TENM3: variants seen among roughly 807,000 people sequenced by gnomAD.
TENM3 encodes teneurin-3.
Under a neutral mutation model 255.1 loss-of-function variants are expected in TENM3, and 63 were observed. The ratio of observed to expected loss-of-function variants is 0.25; its 90% CI spans 0.20 to 0.30. The LOEUF (loss-of-function observed/expected upper bound fraction) is 0.30, where lower values mean the gene tolerates loss of function less well. TENM3 is among the 10% of genes least tolerant of loss of function. TENM3 has a pLI of 1.00. For synonymous variants in TENM3, 1,306 were observed against 1,322.3 expected, an observed-to-expected ratio of 0.99 and a Z score of 0.27; for missense variants, 2,929 against 3,461.1, an observed-to-expected ratio of 0.85 and a Z score of 3.86.
At chr4:182,280,716 C>T (rs1412048696) in intron 1 of TENM3, among the ~76,000 whole-genome samples, 1 of 152,154 alleles carries the variant, frequency 6.6e-6, no homozygotes, top group African/African-American at 2.4e-5. Flanking sequence ...GTGCCACAAA[C>T]CTGGCGGGTC....
intron 1 of TENM3, among the ~76,000 whole-genome samples, chr4:182,173,921 T>C (rs1233207510): frequency 6.6e-6 from 1 of 152,224 alleles, no homozygotes; most frequent in Non-Finnish European, 1.5e-5. Flanking sequence ...TTTTATGTAA[T>C]ATATTATAAA....
the TENM3 span, among the ~76,000 whole-genome samples, chr4:181,996,247 C>A: frequency 6.6e-6 from 1 of 151,588 alleles, no homozygotes; most frequent in Non-Finnish European, 1.5e-5. Context: ...GACAGCCGTC[C>A]AAGCTGTGCA....
At chr4:182,788,415 G>A (rs1424454153) in intron 24 of TENM3, among the ~76,000 whole-genome samples, 2 of 152,228 alleles carry the variant, frequency 1.3e-5, no homozygotes, top group South Asian at 2.1e-4. Flanking sequence ...TAGCCACAGA[G>A]ACTCTATGAC....
Position 182,165,267 on chromosome 4 carries a change from T to A in TENM3, c.-76+20513T>A, listed in dbSNP as rs145517076. 1.5e-3 allele frequency among the ~76,000 whole-genome samples: 227 copies of A among 152,312 alleles called. 1 individual carries two copies. Among genetic ancestry groups the A allele is most frequent in the African/African-American group, 5.2e-3 (217 of 41,566 alleles). ...AATACTTATTTCATTATTTTCGGAG[T>A]TCCATTCCAGCTATGTTGTAAGGAT... On this transcript the variant is annotated intron_variant, in intron 1 of 2. Coordinates refer to the TENM3 transcript ENST00000512480.
intron 3 of TENM3, among the ~76,000 whole-genome samples, chr4:182,547,052 T>C (rs1189797590): frequency 6.6e-6 from 1 of 152,196 alleles, no homozygotes; most frequent in Admixed American, 6.5e-5. Flanking sequence ...TTTCTAGATG[T>C]ACCTCACGTG....
At chr4:181,744,970 T>C in the TENM3 span, among the ~76,000 whole-genome samples, 1 of 152,214 alleles carries the variant, frequency 6.6e-6, no homozygotes, top group Admixed American at 6.5e-5. Flanking sequence ...TCTGTGAGTC[T>C]ACTTTAGATA....
At chr4:181,888,540 A>ATATATACATACATATATGTG in the TENM3 span, among the ~76,000 whole-genome samples, 1 of 121,686 alleles carries the variant, frequency 8.2e-6, no homozygotes, top group African/African-American at 3.2e-5. Context: ...ATATGTGTAT[A>ATATATACATACATATATGTG]TATATATATG....
At chr4:182,521,608 AT>A (rs1421798394) in intron 3 of TENM3, among the ~76,000 whole-genome samples, 3 of 152,234 alleles carry the variant, frequency 2.0e-5, no homozygotes, top group Non-Finnish European at 4.4e-5. Context: ...TGGGCTTGAA[AT>A]TAAAAGCATG....
chr4:182,042,118 C>T, the TENM3 span, among the ~76,000 whole-genome samples: 1 of 151,892 alleles, frequency 6.6e-6, no homozygotes, highest in South Asian at 2.1e-4. Context: ...ACGTGCTTTC[C>T]CCAGTTTGGA....
the TENM3 span, among the ~76,000 whole-genome samples, chr4:182,084,197 G>A: frequency 2.0e-5 from 3 of 152,082 alleles, no homozygotes; most frequent in Admixed American, 2.0e-4. Flanking sequence ...CTTGCTGGGG[G>A]GAAAAAATAA....
chr4:182,709,346 T>C (rs1453667940), intron 12 of TENM3, among the ~76,000 whole-genome samples: 1 of 152,200 alleles, frequency 6.6e-6, no homozygotes, highest in Non-Finnish European at 1.5e-5. Flanking sequence ...TGTAAGAGTT[T>C]TATCGTATAA....
intron 3 of TENM3, chr4:182,349,700 A>G (rs1461681901): frequency 1.1e-5 from 2 of 176,642 alleles, no homozygotes; most frequent in African/African-American, 2.4e-5. Flanking sequence ...ATTCTAATAT[A>G]AAGTTAACAA....
chr4:181,667,358 G>A, the TENM3 span, among the ~76,000 whole-genome samples: 1 of 152,102 alleles, frequency 6.6e-6, no homozygotes, highest in Admixed American at 6.6e-5. Context: ...CTCTGTTCAA[G>A]AACCTACCAC....
At chr4:182,637,782 T>C (rs1247792968) in intron 5 of TENM3, among the ~76,000 whole-genome samples, 2 of 152,130 alleles carry the variant, frequency 1.3e-5, no homozygotes, top group Non-Finnish European at 2.9e-5. Flanking sequence ...ATAGTAACTG[T>C]TTGAAAAGGA....
At chr4:181,904,650 C>T in the TENM3 span, among the ~76,000 whole-genome samples, 90 of 152,330 alleles carry the variant, frequency 5.9e-4, no homozygotes, top group Admixed American at 9.8e-4. Flanking sequence ...GTTCACAACA[C>T]TCTGTCCTCG....
chr4:182,771,702 T>C (rs1360956781), intron 22 of TENM3, among the ~76,000 whole-genome samples: 1 of 152,218 alleles, frequency 6.6e-6, no homozygotes, highest in Admixed American at 6.5e-5. Flanking sequence ...TGTTCTTAAA[T>C]AAACCAGTGC....
intron 1 of TENM3, among the ~76,000 whole-genome samples, chr4:182,230,991 C>G (rs1756537042): frequency 6.6e-6 from 1 of 151,404 alleles, no homozygotes; most frequent in Admixed American, 6.6e-5. Flanking sequence ...ACCTGAGGGT[C>G]TCTAACACTC....
At chr4:182,004,572 T>C in the TENM3 span, among the ~76,000 whole-genome samples, 1,469 of 152,324 alleles carry the variant, frequency 9.6e-3, 29 homozygotes, top group African/African-American at 0.033. Flanking sequence ...TGATTTATAT[T>C]CCTTTGGGTA....
the TENM3 span, among the ~76,000 whole-genome samples, chr4:181,477,064 ATT>A: frequency 1.5e-3 from 2 of 1,334 alleles, no homozygotes; most frequent in Non-Finnish European, 0.014. Context: ...GGAAAACCCA[ATT>A]CATTCATTCA....
Sources: allele counts gnomAD v4.1 joint callset (sites outside exome capture counted in the v4.1 genomes callset), GRCh38; gene constraint gnomAD v4.1.1; transcripts MANE v1.5; gene names NCBI Gene and HGNC (gene_info 2026-07-23, HGNC 2026-07-21).